The following ZFPM2 variants were observed in gnomAD, a reference collection of about 807,000 sequenced individuals.
The protein encoded by ZFPM2 is zinc finger protein ZFPM2.
In ZFPM2, 20 loss-of-function variants were observed where a neutral mutation model predicts 98.6. The ratio of observed to expected loss-of-function variants is 0.20; its 90% CI spans 0.14 to 0.29. The LOEUF (loss-of-function observed/expected upper bound fraction) is 0.29, where lower values mean the gene tolerates loss of function less well. ZFPM2 is among the 10% of genes least tolerant of loss of function. The pLI is 1.00. For missense variants in ZFPM2, 1,310 were observed against 1,388.6 expected, an observed-to-expected ratio of 0.94 and a Z score of 0.90; for synonymous variants, 518 against 502.7, an observed-to-expected ratio of 1.03 and a Z score of -0.41.
At chr8:105,530,496 G>A (rs1037134837) in intron 3 of ZFPM2, among the ~76,000 whole-genome samples, 1 of 152,162 alleles carries the variant, frequency 6.6e-6, no homozygotes, top group Non-Finnish European at 1.5e-5. Context: ...TCATGGTCAA[G>A]TTCTGGTGAG....
intron 5 of ZFPM2, among the ~76,000 whole-genome samples, chr8:105,636,716 C>A (rs1333003256): frequency 6.6e-6 from 1 of 152,020 alleles, no homozygotes; most frequent in Non-Finnish European, 1.5e-5. Flanking sequence ...TGAATGGTTG[C>A]CAGACACTGA....
At chr8:105,651,391 C>G (rs562286544) in intron 5 of ZFPM2, among the ~76,000 whole-genome samples, 1 of 150,698 alleles carries the variant, frequency 6.6e-6, no homozygotes, top group African/African-American at 2.4e-5. Context: ...TTGCTTGAAC[C>G]TGGAAGTTGG....
intron 1 of ZFPM2, among the ~76,000 whole-genome samples, chr8:105,407,834 T>C (rs139062889): frequency 5.3e-5 from 8 of 151,944 alleles, no homozygotes; most frequent in Non-Finnish European, 8.8e-5. Flanking sequence ...TTCTGTTCAA[T>C]TGGAAAAGAA....
At chr8:105,743,459 A>G (rs1586233697) in intron 5 of ZFPM2, among the ~76,000 whole-genome samples, 1 of 152,048 alleles carries the variant, frequency 6.6e-6, no homozygotes, top group East Asian at 1.9e-4. Context: ...GAGGCTATGC[A>G]TGTCGGGAAA....
At chr8:105,648,758 C>T (rs965314544) in intron 5 of ZFPM2, among the ~76,000 whole-genome samples, 6 of 152,156 alleles carry the variant, frequency 3.9e-5, no homozygotes, top group Non-Finnish European at 5.9e-5. Context: ...GGTACCAGTA[C>T]CATGCTGTTT....
chr8:105,778,213 T>C (rs1813151077), intron 5 of ZFPM2, among the ~76,000 whole-genome samples: 1 of 152,204 alleles, frequency 6.6e-6, no homozygotes, highest in Non-Finnish European at 1.5e-5. Context: ...CGTATAGATA[T>C]ATGTCCTGTG....
chr8:105,556,675 CCCCTTCCCTTTTCCCCCTTCCCCCTT>C, intron 3 of ZFPM2, among the ~76,000 whole-genome samples: 1 of 140,116 alleles, frequency 7.1e-6, no homozygotes, highest in Non-Finnish European at 1.5e-5. Context: ...TCTTCCCTTC[CCCCTTCCCTTTTCCCCCTTCCCCCTT>C]CCCTTCCCTT....
intron 1 of ZFPM2, among the ~76,000 whole-genome samples, chr8:105,330,010 T>C (rs536798624): frequency 1.8e-4 from 27 of 151,866 alleles, no homozygotes; most frequent in African/African-American, 6.3e-4. Flanking sequence ...CACTTCTGAG[T>C]TTGAACATAA....
At chr8:105,772,508 A>G (rs1208146185) in intron 5 of ZFPM2, among the ~76,000 whole-genome samples, 1 of 152,138 alleles carries the variant, frequency 6.6e-6, no homozygotes, top group Admixed American at 6.6e-5. Context: ...AGAGGAAGGA[A>G]AACAGAAGAA....
At chr8:105,706,465 A>AT (rs1811266547) in intron 5 of ZFPM2, among the ~76,000 whole-genome samples, 1 of 152,170 alleles carries the variant, frequency 6.6e-6, no homozygotes, top group Middle Eastern at 3.4e-3. Context: ...TCCTCATTTT[A>AT]TTTTTTTGTG....
intron 1 of ZFPM2, among the ~76,000 whole-genome samples, chr8:105,408,057 T>C (rs1408908414): frequency 6.6e-6 from 1 of 151,852 alleles, no homozygotes; most frequent in Non-Finnish European, 1.5e-5. Flanking sequence ...TTTTATTCTA[T>C]TGTAGGCTTT....
chr8:105,397,857 G>GA (rs201395171), intron 1 of ZFPM2, among the ~76,000 whole-genome samples: 192 of 148,440 alleles, frequency 1.3e-3, no homozygotes, highest in Non-Finnish European at 2.1e-3. Flanking sequence ...CATATAACAG[G>GA]AAAAAAAAAA....
chr8:105,399,966 C>T (rs1430946377), intron 1 of ZFPM2, among the ~76,000 whole-genome samples: 2 of 152,022 alleles, frequency 1.3e-5, no homozygotes, highest in Non-Finnish European at 2.9e-5. Context: ...TGGTGTTTCA[C>T]CATGTTGGCC....
chr8:105,779,414 T>C (rs1813191405), intron 5 of ZFPM2, among the ~76,000 whole-genome samples: 2 of 152,184 alleles, frequency 1.3e-5, no homozygotes, highest in South Asian at 4.1e-4. Context: ...CACAGATAAA[T>C]TAGAAAGAAA....
chr8:105,484,960 A>G (rs1412973844), intron 3 of ZFPM2, among the ~76,000 whole-genome samples: 1 of 152,232 alleles, frequency 6.6e-6, no homozygotes, highest in East Asian at 1.9e-4. Context: ...TATAAACTCT[A>G]CAGCCAAACC....
chr8:105,638,739 G>C (rs1044701895), intron 5 of ZFPM2, among the ~76,000 whole-genome samples: 19 of 151,914 alleles, frequency 1.3e-4, no homozygotes, highest in African/African-American at 4.6e-4. Context: ...CTAAATGTAG[G>C]CTAGTAACAA....
intron 3 of ZFPM2, among the ~76,000 whole-genome samples, chr8:105,542,964 CTTG>C (rs1240847193): frequency 2.6e-5 from 4 of 152,012 alleles, no homozygotes; most frequent in Admixed American, 6.6e-5. Context: ...AAAATAACTT[CTTG>C]TTCTCAGGAA....
At chr8:105,608,882 TTAAC>T (rs2130796000) in intron 4 of ZFPM2, among the ~76,000 whole-genome samples, 1 of 152,158 alleles carries the variant, frequency 6.6e-6, no homozygotes, top group East Asian at 1.9e-4. Flanking sequence ...TTCATGAACA[TTAAC>T]TATTTTTTTA....
At chr8:105,573,377 C>T (rs1216201430) in intron 4 of ZFPM2, among the ~76,000 whole-genome samples, 1 of 152,126 alleles carries the variant, frequency 6.6e-6, no homozygotes, top group Non-Finnish European at 1.5e-5. Context: ...CTGTCTGCCA[C>T]AGAAGGTAAT....
Sources: allele counts gnomAD v4.1 joint callset (sites outside exome capture counted in the v4.1 genomes callset), GRCh38; gene constraint gnomAD v4.1.1; transcripts MANE v1.5; gene names NCBI Gene and HGNC (gene_info 2026-07-23, HGNC 2026-07-21).